Variants in VTI1A observed in about 807,000 individuals in gnomAD.
VTI1A encodes vesicle transport through interaction with t-SNAREs 1A, also known as vesicle transport through interaction with t-SNAREs homolog 1A.
VTI1A carries 22 observed loss-of-function variants against 34.9 expected under a neutral mutation model. That is an observed-to-expected ratio of 0.63 (90% CI 0.45 to 0.90). The LOEUF (loss-of-function observed/expected upper bound fraction) is 0.90, where lower values mean the gene tolerates loss of function less well. VTI1A is among the 40% of genes least tolerant of loss of function. VTI1A has a pLI of 0.00. For missense variants in VTI1A, 268 were observed against 275.6 expected, an observed-to-expected ratio of 0.97 and a Z score of 0.20; for synonymous variants, 87 against 97.3, an observed-to-expected ratio of 0.89 and a Z score of 0.62.
chr10:112,749,706 T>C (rs1476201007), intron 7 of VTI1A, among the ~76,000 whole-genome samples: 3 of 152,286 alleles, frequency 2.0e-5, no homozygotes, highest in East Asian at 1.9e-4. Context: ...ATAATACATA[T>C]AGGAGGGACC....
chr10:112,824,118 C>A, the VTI1A span: 1 of 152,306 alleles, frequency 6.6e-6, no homozygotes, highest in Non-Finnish European at 1.5e-5. Flanking sequence ...GCCTCATCCC[C>A]ACCCACTGCC....
intron 5 of VTI1A, among the ~76,000 whole-genome samples, chr10:112,630,080 T>C (rs1416472628): frequency 6.6e-6 from 1 of 152,218 alleles, no homozygotes; most frequent in African/African-American, 2.4e-5. Context: ...GCCCACTTCG[T>C]TCCCAATTGA....
intron 7 of VTI1A, among the ~76,000 whole-genome samples, chr10:112,758,723 T>C (rs1454373081): frequency 6.6e-6 from 1 of 152,222 alleles, no homozygotes; most frequent in East Asian, 1.9e-4. Context: ...AGGAAGATCA[T>C]AATAGAAAAT....
At chr10:112,584,425 GATCAAGC>G (rs1448806048) in intron 5 of VTI1A, among the ~76,000 whole-genome samples, 1 of 152,296 alleles carries the variant, frequency 6.6e-6, no homozygotes, top group African/African-American at 2.4e-5. Context: ...CAACGAAAAG[GATCAAGC>G]ATGCCAAGAT....
chr10:112,508,060 A>G (rs759887043), intron 3 of VTI1A, among the ~76,000 whole-genome samples: 3 of 151,976 alleles, frequency 2.0e-5, no homozygotes, highest in Non-Finnish European at 1.5e-5. Flanking sequence ...GGTGCAAACA[A>G]TAAGTCTATT....
intron 4 of VTI1A, among the ~76,000 whole-genome samples, chr10:112,529,158 T>C (rs1376585092): frequency 6.6e-6 from 1 of 152,136 alleles, no homozygotes; most frequent in Non-Finnish European, 1.5e-5. Flanking sequence ...GTATGATAAA[T>C]TATAGTCATG....
chr10:112,639,134 AT>A (rs1043884438), intron 5 of VTI1A, among the ~76,000 whole-genome samples: 1 of 152,170 alleles, frequency 6.6e-6, no homozygotes, highest in African/African-American at 2.4e-5. Flanking sequence ...CACAAAGGCA[AT>A]CAATATGAAA....
chr10:112,620,386 C>A lies in VTI1A; in HGVS notation c.428-47832C>A, dbSNP rs527871647. The stretch of plus-strand genomic sequence containing the variant: ...CTCTGGGAAAGGCTTGCTTATGAGT[C>A]TGACAGCTACAACAGAGGTGGAAAC... On this transcript the variant is annotated intron_variant, in intron 5 of 7. Transcript: ENST00000393077. Among the ~76,000 whole-genome samples, 81 of 152,272 alleles carry A rather than the reference C, an allele frequency of 5.3e-4. 1 individual carries two copies. The South Asian group carries it at 0.017, about 31-fold the overall frequency.
At chr10:112,845,911 G>C in the VTI1A span, among the ~76,000 whole-genome samples, 1 of 152,170 alleles carries the variant, frequency 6.6e-6, no homozygotes, top group Non-Finnish European at 1.5e-5. Flanking sequence ...CCAGCTACTT[G>C]GGAGGCTGAG....
intron 3 of VTI1A, among the ~76,000 whole-genome samples, chr10:112,469,214 G>A (rs1384567529): frequency 6.6e-6 from 1 of 151,966 alleles, no homozygotes; most frequent in Non-Finnish European, 1.5e-5. Flanking sequence ...ATAAAGCCTA[G>A]ATTTTATTGT....
At chr10:112,550,341 G>C (rs1449020102) in intron 5 of VTI1A, among the ~76,000 whole-genome samples, 1 of 114,268 alleles carries the variant, frequency 8.8e-6, no homozygotes, top group Non-Finnish European at 1.8e-5. Context: ...GACTTCTAGT[G>C]CCAGAAGGTT....
At chr10:112,742,693 A>C (rs1235299319) in intron 7 of VTI1A, among the ~76,000 whole-genome samples, 1 of 152,218 alleles carries the variant, frequency 6.6e-6, no homozygotes, top group Non-Finnish European at 1.5e-5. Context: ...ATGACAGAGA[A>C]AAGATTTCTA....
chr10:112,806,895 G>A (rs1016661708), intron 7 of VTI1A, among the ~76,000 whole-genome samples: 1 of 152,202 alleles, frequency 6.6e-6, no homozygotes, highest in Non-Finnish European at 1.5e-5. Flanking sequence ...CCTTCTTCCT[G>A]TTTTAAATGG....
At chr10:112,586,271 T>G (rs554924908) in intron 5 of VTI1A, among the ~76,000 whole-genome samples, 1 of 152,308 alleles carries the variant, frequency 6.6e-6, no homozygotes, top group South Asian at 2.1e-4. Context: ...TGCTATTTAT[T>G]CTGGACCTTT....
intron 7 of VTI1A, among the ~76,000 whole-genome samples, chr10:112,706,751 C>T (rs1849212427): frequency 6.6e-6 from 1 of 152,150 alleles, no homozygotes; most frequent in South Asian, 2.1e-4. Flanking sequence ...CAGTGCGCTA[C>T]TTCTTCGTCT....
chr10:112,647,762 A>G (rs1846858203), intron 5 of VTI1A, among the ~76,000 whole-genome samples: 1 of 152,070 alleles, frequency 6.6e-6, no homozygotes, highest in Admixed American at 6.5e-5. Flanking sequence ...TTTTAAATTT[A>G]TTTTTAATTT....
In VTI1A at chr10:112,538,282, A is replaced by C; in HGVS notation, c.379A>C (p.Arg127=). ...GCTCGATAACACAGAGAGGCTGGAA[A>C]GGTCATCTCGGAGACTAGAGGCTGG... ...HLLDNTERLE[R]SSRRLEAGYQ... The change falls in exon 5 of 8, where the codon AGG becomes CGG. Residue 127 remains arginine (R), a synonymous_variant. Coordinates refer to ENST00000393077, the MANE Select transcript of VTI1A (RefSeq NM_145206.4). 6.2e-7 allele frequency: 1 copy of C among 1,613,754 alleles called. No homozygotes were observed. The highest frequency in any genetic ancestry group is 1.3e-5 in the African/African-American group (1 of 74,960).
At chr10:112,763,782 G>A (rs1851560696) in intron 7 of VTI1A, among the ~76,000 whole-genome samples, 1 of 152,096 alleles carries the variant, frequency 6.6e-6, no homozygotes, top group Admixed American at 6.5e-5. Context: ...GCACATCGAG[G>A]TCATTGAGTT....
chr10:112,616,677 T>C (rs1564850401), intron 5 of VTI1A, among the ~76,000 whole-genome samples: 2 of 152,064 alleles, frequency 1.3e-5, no homozygotes, highest in African/African-American at 4.8e-5. Flanking sequence ...ATATAATATA[T>C]ACAGAAAACT....
Sources: allele counts gnomAD v4.1 joint callset (sites outside exome capture counted in the v4.1 genomes callset), GRCh38; gene constraint gnomAD v4.1.1; transcripts MANE v1.5; gene names NCBI Gene and HGNC (gene_info 2026-07-23, HGNC 2026-07-21).